Variants in LRRC4C observed in about 807,000 individuals in gnomAD.
The protein encoded by LRRC4C is leucine-rich repeat-containing protein 4C.
LRRC4C carries 5 observed loss-of-function variants against 33.6 expected under a neutral mutation model. The observed-to-expected ratio is 0.15, with a 90% CI of 0.08 to 0.31. The LOEUF (loss-of-function observed/expected upper bound fraction) is 0.31, where lower values mean the gene tolerates loss of function less well. LRRC4C is among the 10% of genes least tolerant of loss of function. LRRC4C has a pLI of 1.00. For missense variants in LRRC4C, 560 were observed against 796.7 expected (o/e 0.70, Z 3.58); for synonymous variants, 329 against 302.0 (o/e 1.09, Z -0.93).
At chr11:40,583,971 C>T (rs999409535) in intron 3 of LRRC4C, among the ~76,000 whole-genome samples, 1 of 151,494 alleles carries the variant, frequency 6.6e-6, no homozygotes, top group Non-Finnish European at 1.5e-5. Context: ...GTTAAAGTTA[C>T]TGACAAAACA....
At chr11:40,297,824 G>A (rs796793962) in intron 4 of LRRC4C, among the ~76,000 whole-genome samples, 44 of 152,190 alleles carry the variant, frequency 2.9e-4, no homozygotes, top group African/African-American at 1.0e-3. Context: ...TTGGACTTGA[G>A]GTTAAATAAG....
intron 3 of LRRC4C, among the ~76,000 whole-genome samples, chr11:40,426,310 G>C (rs1256992976): frequency 6.6e-6 from 1 of 151,892 alleles, no homozygotes; most frequent in African/African-American, 2.4e-5. Flanking sequence ...ACCGCGCCTG[G>C]CCAGCCACAG....
chr11:40,356,466 A>C (rs777382666), intron 3 of LRRC4C, among the ~76,000 whole-genome samples: 1 of 152,138 alleles, frequency 6.6e-6, no homozygotes, highest in Non-Finnish European at 1.5e-5. Flanking sequence ...TTCCTATTTC[A>C]AGGTAGGTTA....
At chr11:40,958,714 G>A (rs754760932) in intron 1 of LRRC4C, among the ~76,000 whole-genome samples, 1 of 151,730 alleles carries the variant, frequency 6.6e-6, no homozygotes, top group Non-Finnish European at 1.5e-5. Flanking sequence ...TTCTCTAAAA[G>A]CATTTAGTCT....
chr11:40,766,652 T>C (rs1949484446), intron 2 of LRRC4C, among the ~76,000 whole-genome samples: 1 of 152,112 alleles, frequency 6.6e-6, no homozygotes, highest in South Asian at 2.1e-4. Flanking sequence ...GATTTCTCTT[T>C]GACACATGTA....
At chr11:40,734,473 T>A (rs1006747554) in intron 2 of LRRC4C, among the ~76,000 whole-genome samples, 1 of 152,104 alleles carries the variant, frequency 6.6e-6, no homozygotes, top group African/African-American at 2.4e-5. Flanking sequence ...CAAGGAAGAA[T>A]GTATACTTCA....
chr11:41,453,769 T>C (rs1034878875), intron 1 of LRRC4C, among the ~76,000 whole-genome samples: 5 of 152,060 alleles, frequency 3.3e-5, no homozygotes, highest in South Asian at 2.1e-4. Context: ...TATGAGATAA[T>C]TGATTATAAC....
intron 3 of LRRC4C, among the ~76,000 whole-genome samples, chr11:40,463,522 A>G (rs1381414726): frequency 6.6e-6 from 1 of 152,098 alleles, no homozygotes; most frequent in Non-Finnish European, 1.5e-5. Context: ...TTTGAGTAAT[A>G]TTTTCAAGGA....
At chr11:40,600,782 A>G (rs1404893767) in intron 3 of LRRC4C, among the ~76,000 whole-genome samples, 2 of 152,224 alleles carry the variant, frequency 1.3e-5, no homozygotes, top group African/African-American at 4.8e-5. Context: ...TAGATAGACT[A>G]AATAAGAAAC....
chr11:40,656,524 T>A (rs1188296357), intron 2 of LRRC4C, among the ~76,000 whole-genome samples: 1 of 151,824 alleles, frequency 6.6e-6, no homozygotes, highest in African/African-American at 2.4e-5. Flanking sequence ...ATGAACTCTA[T>A]TTATGTCCTT....
rs376200758 is a variant in LRRC4C, at chr11:40,480,497, G to A, written c.-269-160776C>T. Among the ~76,000 whole-genome samples the A allele has an allele frequency of 5.3e-5, 8 of 151,910 alleles. No individual in the cohort carries two copies. In the East Asian group the frequency reaches 9.7e-4, roughly 18 times the overall value. ...CATACTTGAAGGTAGAGGAGGGTGG[G>A]GATCAAAAAACTACCTGTCAGGTAC... On this transcript the variant is annotated intron_variant, in intron 3 of 6. Coordinates refer to ENST00000528697, the MANE Select transcript of LRRC4C (RefSeq NM_001258419.2).
chr11:40,469,620 A>T (rs557953401), intron 3 of LRRC4C, among the ~76,000 whole-genome samples: 2 of 152,164 alleles, frequency 1.3e-5, no homozygotes, highest in South Asian at 4.1e-4. Flanking sequence ...CCAGCAAACT[A>T]TGATCCACTG....
chr11:40,242,293 G>A (rs1321208108), intron 4 of LRRC4C, among the ~76,000 whole-genome samples: 2 of 152,038 alleles, frequency 1.3e-5, no homozygotes, highest in Non-Finnish European at 2.9e-5. Flanking sequence ...TGATGATCAC[G>A]GCTCATGCTT....
chr11:40,888,557 A>T (rs747294544), intron 2 of LRRC4C, among the ~76,000 whole-genome samples: 3 of 152,124 alleles, frequency 2.0e-5, no homozygotes, highest in Non-Finnish European at 4.4e-5. Context: ...TTATTTGGAA[A>T]TGTTGTTCCC....
chr11:40,401,695 C>G (rs907414289), intron 3 of LRRC4C, among the ~76,000 whole-genome samples: 2 of 152,072 alleles, frequency 1.3e-5, no homozygotes, highest in African/African-American at 4.8e-5. Context: ...CCCTCTACAG[C>G]CCACTGCATG....
intron 2 of LRRC4C, among the ~76,000 whole-genome samples, chr11:40,850,973 C>A (rs1385086403): frequency 6.6e-6 from 1 of 152,146 alleles, no homozygotes; most frequent in Non-Finnish European, 1.5e-5. Context: ...GGCAGACCCA[C>A]CTCCCCCCAC....
In LRRC4C at chr11:41,449,384, T is replaced by C. The variant is rs535746845; in HGVS notation, c.-496+10047A>G. 5.7e-3 allele frequency among the ~76,000 whole-genome samples: 864 copies of C among 152,164 alleles called. 9 individuals are homozygous for C. The highest frequency in any genetic ancestry group is 0.02 in the African/African-American group (838 of 41,514). On this transcript the variant is annotated intron_variant, in intron 1 of 6. Transcript: ENST00000528697. ...GAATAATCTGAATAAATGTCAAAGATAGGAGGTGTTGCCTAATACTAGCTT... is the reference window on the plus strand; with the variant it reads ...GAATAATCTGAATAAATGTCAAAGACAGGAGGTGTTGCCTAATACTAGCTT...
chr11:40,327,918 G>T lies in LRRC4C; in HGVS notation c.-269-8197C>A, dbSNP rs571344774. Among the ~76,000 whole-genome samples, 102 of 151,984 alleles carry T rather than the reference G, an allele frequency of 6.7e-4. 1 individual carries two copies. The Middle Eastern group carries it at 0.014, about 20-fold the overall frequency. Reference sequence around the variant, plus strand: ...AAATCAAGAAAAAAATTTCATTTATGCTTCCAAATTCTAATTGTGAATTTG... The same window carrying T: ...AAATCAAGAAAAAAATTTCATTTATTCTTCCAAATTCTAATTGTGAATTTG... On this transcript the variant is annotated intron_variant, in intron 3 of 6. Transcript: ENST00000528697.
At chr11:41,059,506 CTTG>C (rs966378197) in intron 1 of LRRC4C, among the ~76,000 whole-genome samples, 1 of 152,056 alleles carries the variant, frequency 6.6e-6, no homozygotes, top group African/African-American at 2.4e-5. Flanking sequence ...GGTTCATTGA[CTTG>C]TTTTTTCATG....
Sources: allele counts gnomAD v4.1 joint callset (sites outside exome capture counted in the v4.1 genomes callset), GRCh38; gene constraint gnomAD v4.1.1; transcripts MANE v1.5; gene names NCBI Gene and HGNC (gene_info 2026-07-23, HGNC 2026-07-21).